Variants in LOC128092252 observed in about 807,000 individuals in gnomAD.
At chr15:50,677,244 G>C in the LOC128092252 span, among the ~76,000 whole-genome samples, 15 of 151,952 alleles carry the variant, frequency 9.9e-5, no homozygotes, top group African/African-American at 3.6e-4. Context: ...TTCTTCTAAG[G>C]ACATAAATCC....
chr15:50,653,951 T>C, the LOC128092252 span, among the ~76,000 whole-genome samples: 6 of 152,138 alleles, frequency 3.9e-5, no homozygotes, highest in South Asian at 2.1e-4. Flanking sequence ...GAACACTCAA[T>C]TGAGAACACA....
the LOC128092252 span, among the ~76,000 whole-genome samples, chr15:50,679,538 A>ATAATATATATATATATATATATATTT: frequency 3.9e-4 from 17 of 43,902 alleles, no homozygotes; most frequent in Non-Finnish European, 6.1e-4. Flanking sequence ...ATATATATAT[A>ATAATATATATATATATATATATATTT]TTTTTTTTTT....
the LOC128092252 span, among the ~76,000 whole-genome samples, chr15:50,662,607 A>G: frequency 1.3e-5 from 2 of 152,152 alleles, no homozygotes; most frequent in African/African-American, 4.8e-5. Flanking sequence ...TACCCAGTAG[A>G]TGCCCAATAG....
chr15:50,677,780 TCTA>T, the LOC128092252 span, among the ~76,000 whole-genome samples: 1 of 138,590 alleles, frequency 7.2e-6, no homozygotes, highest in Non-Finnish European at 1.5e-5. Context: ...ACCCAGAGCC[TCTA>T]CTAAGTAACA....
At chr15:50,662,701 AC>A in the LOC128092252 span, among the ~76,000 whole-genome samples, 1 of 152,166 alleles carries the variant, frequency 6.6e-6, no homozygotes, top group African/African-American at 2.4e-5. Flanking sequence ...AAAACACTAC[AC>A]TATGATCTGA....
chr15:50,680,712 ATAACTTTTTTAAAAAAAACCT>A, the LOC128092252 span, among the ~76,000 whole-genome samples: 1 of 152,202 alleles, frequency 6.6e-6, no homozygotes. Context: ...TTTTTAAGTT[ATAACTTTTTTAAAAAAAACCT>A]TAACTTTTTT....
At chr15:50,665,848 CAG>C in the LOC128092252 span, among the ~76,000 whole-genome samples, 4 of 151,980 alleles carry the variant, frequency 2.6e-5, no homozygotes, top group Admixed American at 1.3e-4. Flanking sequence ...CAAAAATTAG[CAG>C]AGTGTTGTGG....
chr15:50,681,264 TACACACACAC>T, the LOC128092252 span, among the ~76,000 whole-genome samples: 3 of 146,906 alleles, frequency 2.0e-5, no homozygotes, highest in African/African-American at 5.1e-5. Context: ...AATAAATAAA[TACACACACAC>T]ACACACACAC....
the LOC128092252 span, among the ~76,000 whole-genome samples, chr15:50,658,593 A>G: frequency 1.1e-4 from 16 of 151,790 alleles, no homozygotes; most frequent in African/African-American, 3.9e-4. Context: ...AAAAGACATT[A>G]TCTTGGCAAG....
At chr15:50,649,686 C>T in the LOC128092252 span, among the ~76,000 whole-genome samples, 1 of 152,126 alleles carries the variant, frequency 6.6e-6, no homozygotes, top group Non-Finnish European at 1.5e-5. Context: ...AGACAGATGG[C>T]TTTCTACCCA....
the LOC128092252 span, among the ~76,000 whole-genome samples, chr15:50,679,166 C>T: frequency 7.3e-6 from 1 of 136,234 alleles, no homozygotes; most frequent in African/African-American, 3.0e-5. Flanking sequence ...ACCACCGCAC[C>T]CAGTCAAAAA....
the LOC128092252 span, among the ~76,000 whole-genome samples, chr15:50,661,805 T>C: frequency 6.6e-6 from 1 of 152,180 alleles, no homozygotes; most frequent in African/African-American, 2.4e-5. Context: ...ATCTTGCAAA[T>C]ACTTTTGTCA....
At chr15:50,649,701 C>T in the LOC128092252 span, among the ~76,000 whole-genome samples, 2 of 152,102 alleles carry the variant, frequency 1.3e-5, no homozygotes, top group Non-Finnish European at 2.9e-5. Context: ...TACCCAGAAG[C>T]ACATACTGGA....
At chr15:50,673,050 C>A in the LOC128092252 span, among the ~76,000 whole-genome samples, 1 of 146,448 alleles carries the variant, frequency 6.8e-6, no homozygotes, top group Admixed American at 6.7e-5. Context: ...TAAAAAGTTA[C>A]AGTAAGCTAG....
At chr15:50,667,696 G>C in the LOC128092252 span, among the ~76,000 whole-genome samples, 4 of 152,010 alleles carry the variant, frequency 2.6e-5, no homozygotes, top group African/African-American at 9.7e-5. Context: ...AACAGAAGGA[G>C]ACTCCATCCC....
the LOC128092252 span, among the ~76,000 whole-genome samples, chr15:50,678,517 AAT>A: frequency 0.094 from 12,353 of 131,826 alleles, 654 homozygotes; most frequent in Non-Finnish European, 0.12. Flanking sequence ...AAAAAAAAAA[AAT>A]ATATATATAT....
chr15:50,671,371 C>A, the LOC128092252 span, among the ~76,000 whole-genome samples: 1 of 152,068 alleles, frequency 6.6e-6, no homozygotes, highest in African/African-American at 2.4e-5. Context: ...CCATCCAGGT[C>A]ACAAAAAACA....
chr15:50,653,759 GA>G, the LOC128092252 span, among the ~76,000 whole-genome samples: 1 of 152,008 alleles, frequency 6.6e-6, no homozygotes, highest in East Asian at 1.9e-4. Flanking sequence ...AGACAAGAAG[GA>G]AAAAAATCTC....
the LOC128092252 span, among the ~76,000 whole-genome samples, chr15:50,666,750 C>T: frequency 3.3e-5 from 5 of 151,028 alleles, no homozygotes; most frequent in South Asian, 2.1e-4. Flanking sequence ...TATGGTGAGC[C>T]GAGATCGTGC....
Sources: allele counts gnomAD v4.1 joint callset (sites outside exome capture counted in the v4.1 genomes callset), GRCh38; gene constraint gnomAD v4.1.1; transcripts MANE v1.5.